The following MICAL3 variants were observed in gnomAD, a reference collection of about 807,000 sequenced individuals.
MICAL3 encodes [F-actin]-monooxygenase MICAL3.
A neutral mutation model predicts 207.4 loss-of-function variants in MICAL3; 62 were observed. That is an observed-to-expected ratio of 0.30 (90% CI 0.24 to 0.37). The LOEUF (loss-of-function observed/expected upper bound fraction) is 0.37, where lower values mean the gene tolerates loss of function less well. Among genes scored for constraint, MICAL3 ranks in the 10% least tolerant of loss-of-function variants. The pLI is 1.00. For synonymous variants in MICAL3, 1,077 were observed against 1,069.3 expected, an observed-to-expected ratio of 1.01 and a Z score of -0.14; for missense variants, 2,368 against 2,635.6, an observed-to-expected ratio of 0.90 and a Z score of 2.22.
chr22:17,992,117 A>G (rs752134879), intron 1 of MICAL3, among the ~76,000 whole-genome samples: 1 of 152,210 alleles, frequency 6.6e-6, no homozygotes, highest in South Asian at 2.1e-4. Flanking sequence ...TGGGGCACCT[A>G]TATCTCTCGA....
At position 17,810,775 on chromosome 22, in the gene MICAL3, C is replaced by G. The variant is rs781511126; in HGVS notation, c.5484G>C (p.Leu1828=). Residue 1828 remains leucine (L), a synonymous_variant, in exon 28 of 32, where the codon CTG becomes CTC. Transcript: ENST00000441493. ...TYTEEELNAK[L]TRRVQKAARR... ...GAGCTGCCTTTTGCACACGCCGGGT[C>G]AGCTTGGCATTCAGTTCCTCCTCCG... The G allele has an allele frequency of 1.6e-5, 26 of 1,613,896 alleles. No homozygotes were observed. The South Asian group carries it at 2.2e-4, about 14-fold the overall frequency.
intron 21 of MICAL3, among the ~76,000 whole-genome samples, chr22:17,828,068 T>C (rs1050059376): frequency 6.6e-6 from 1 of 152,182 alleles, no homozygotes; most frequent in African/African-American, 2.4e-5. Context: ...CACATTCCTT[T>C]CTGAGGCTCC....
intron 1 of MICAL3, among the ~76,000 whole-genome samples, chr22:18,017,591 AT>A (rs55877126): frequency 0.21 from 32,111 of 149,558 alleles, 3,889 homozygotes; most frequent in East Asian, 0.38. Flanking sequence ...ATTTGATAGA[AT>A]TTTTTTTTCT....
intron 1 of MICAL3, among the ~76,000 whole-genome samples, chr22:17,969,091 G>A (rs1371331945): frequency 6.6e-6 from 1 of 151,908 alleles, no homozygotes; most frequent in Non-Finnish European, 1.5e-5. Context: ...CACCCAGGCT[G>A]GAGTGCAGTA....
intron 29 of MICAL3, among the ~76,000 whole-genome samples, chr22:17,802,475 C>T (rs1569070562): frequency 6.6e-6 from 1 of 152,144 alleles, no homozygotes; most frequent in Non-Finnish European, 1.5e-5. Flanking sequence ...GGCCCTTCTG[C>T]AGCACCAGTG....
intron 19 of MICAL3, among the ~76,000 whole-genome samples, chr22:17,847,544 C>G (rs536846837): frequency 1.3e-5 from 2 of 152,242 alleles, no homozygotes; most frequent in Non-Finnish European, 2.9e-5. Context: ...TGGGGCAGCC[C>G]ACATTCTGAT....
chr22:17,927,223 C>T (rs1014286621), intron 1 of MICAL3, among the ~76,000 whole-genome samples: 2 of 152,182 alleles, frequency 1.3e-5, no homozygotes, highest in Non-Finnish European at 2.9e-5. Context: ...AGTATAAGGG[C>T]TTCAAGGTTC....
At chr22:17,886,509 A>C (rs975194217) in intron 15 of MICAL3, among the ~76,000 whole-genome samples, 2 of 152,186 alleles carry the variant, frequency 1.3e-5, no homozygotes, top group South Asian at 4.2e-4. Context: ...TCTACTAAAA[A>C]ATTAGAACAA....
chr22:17,804,471 C>T (rs999014604), intron 29 of MICAL3, among the ~76,000 whole-genome samples: 10 of 152,218 alleles, frequency 6.6e-5, no homozygotes, highest in Admixed American at 2.0e-4. Context: ...CAAATTCAGT[C>T]GGCCTTCTTA....
intron 1 of MICAL3, among the ~76,000 whole-genome samples, chr22:17,936,166 G>A (rs1161947935): frequency 6.6e-6 from 1 of 152,088 alleles, no homozygotes; most frequent in Non-Finnish European, 1.5e-5. Context: ...GCAAAGACTT[G>A]GAACCAACCC....
At chr22:17,974,619 G>A (rs905494013) in intron 1 of MICAL3, among the ~76,000 whole-genome samples, 2 of 152,176 alleles carry the variant, frequency 1.3e-5, no homozygotes, top group African/African-American at 4.8e-5. Flanking sequence ...AGCTACTTGG[G>A]AGGCTGAGGC....
At chr22:17,985,753 T>G (rs2146449667) in intron 1 of MICAL3, among the ~76,000 whole-genome samples, 1 of 152,210 alleles carries the variant, frequency 6.6e-6, no homozygotes, top group East Asian at 1.9e-4. Flanking sequence ...CTTTCTCATC[T>G]AGACTGGGAG....
Position 17,823,188 on chromosome 22 carries a change from C to T in MICAL3, c.3194-128G>A, listed in dbSNP as rs116723145. 2.2e-3 allele frequency: 1,451 copies of T among 668,512 alleles called. 14 individuals carry two copies. The African/African-American group carries it at 0.024, about 11-fold the overall frequency. The allele number at this position is 668,512 out of a possible 1,614,324, so 41.4% of individuals were successfully genotyped here. A position where few individuals can be genotyped will look rare whatever the true frequency, so the allele number is the denominator to read the frequency against. ...TGCAGGCCCCAGGAGAGGGGAGATGCTGCCAGGCCCAGGGGGCTCTCCACA... is the reference window on the plus strand; with the variant it reads ...TGCAGGCCCCAGGAGAGGGGAGATGTTGCCAGGCCCAGGGGGCTCTCCACA... On this transcript the variant is annotated intron_variant, in intron 22 of 31. Transcript: ENST00000441493.
intron 1 of MICAL3, among the ~76,000 whole-genome samples, chr22:18,018,078 G>T (rs1924184431): frequency 6.6e-6 from 1 of 151,324 alleles, no homozygotes; most frequent in Admixed American, 6.6e-5. Flanking sequence ...GTTTCACCAT[G>T]TTGGCCAGGC....
At chr22:17,824,672 A>T (rs1023228767) in intron 22 of MICAL3, among the ~76,000 whole-genome samples, 2 of 152,322 alleles carry the variant, frequency 1.3e-5, no homozygotes, top group Non-Finnish European at 2.9e-5. Context: ...AGTTAGGGCC[A>T]TGTGCCTCCC....
intron 1 of MICAL3, among the ~76,000 whole-genome samples, chr22:17,925,597 G>C (rs941834948): frequency 6.6e-6 from 1 of 152,184 alleles, no homozygotes; most frequent in African/African-American, 2.4e-5. Context: ...GGAGGTCACA[G>C]CTATCTTGCC....
chr22:17,812,321 A>C (rs1434429579), intron 27 of MICAL3, among the ~76,000 whole-genome samples: 1 of 152,240 alleles, frequency 6.6e-6, no homozygotes, highest in East Asian at 1.9e-4. Context: ...GGTGAGGAGC[A>C]GGTGTCTCAT....
At chr22:17,843,674 T>G (rs969191680) in intron 19 of MICAL3, among the ~76,000 whole-genome samples, 1 of 152,166 alleles carries the variant, frequency 6.6e-6, no homozygotes, top group Admixed American at 6.5e-5. Flanking sequence ...GCCTGCCACC[T>G]GGGGAGTGCC....
At chr22:17,874,849 G>A (rs1201501780) in intron 16 of MICAL3, among the ~76,000 whole-genome samples, 2 of 151,376 alleles carry the variant, frequency 1.3e-5, no homozygotes, top group Non-Finnish European at 2.9e-5. Context: ...AGATCCCGCC[G>A]CACACCATAC....
Sources: allele counts gnomAD v4.1 joint callset (sites outside exome capture counted in the v4.1 genomes callset), GRCh38; gene constraint gnomAD v4.1.1; transcripts MANE v1.5; gene names NCBI Gene and HGNC (gene_info 2026-07-23, HGNC 2026-07-21).